DTNBP1: variants seen among roughly 807,000 people sequenced by gnomAD.
DTNBP1 encodes dysbindin.
In DTNBP1, 35 loss-of-function variants were observed where a neutral mutation model predicts 42.8. The ratio of observed to expected loss-of-function variants is 0.82; its 90% CI spans 0.63 to 1.09. The LOEUF (loss-of-function observed/expected upper bound fraction) is 1.09. DTNBP1 is among the 50% of genes least tolerant of loss of function. The pLI, the probability that DTNBP1 is intolerant of heterozygous loss-of-function variation, is 0.00. For synonymous variants in DTNBP1, 171 were observed against 162.2 expected (o/e 1.05, Z -0.41); for missense variants, 457 against 424.2 (o/e 1.08, Z -0.68).
At chr6:15,608,894 A>G (rs1478738445) in intron 6 of DTNBP1, among the ~76,000 whole-genome samples, 1 of 152,192 alleles carries the variant, frequency 6.6e-6, no homozygotes, top group Non-Finnish European at 1.5e-5. Flanking sequence ...TGTATTTGAC[A>G]ACAGATCTTT....
intron 1 of DTNBP1, among the ~76,000 whole-genome samples, chr6:15,654,327 A>G (rs1761169365): frequency 1.3e-5 from 2 of 152,234 alleles, no homozygotes; most frequent in African/African-American, 2.4e-5. Flanking sequence ...TTTCCACTAT[A>G]AAGTTTGATC....
At chr6:15,592,665 C>T (rs370980899) in intron 7 of DTNBP1, among the ~76,000 whole-genome samples, 4 of 152,166 alleles carry the variant, frequency 2.6e-5, no homozygotes, top group Non-Finnish European at 5.9e-5. Flanking sequence ...CAGGGCCCAG[C>T]ACTGAAGACC....
intron 6 of DTNBP1, among the ~76,000 whole-genome samples, chr6:15,611,731 T>C (rs535075228): frequency 1.3e-5 from 2 of 152,260 alleles, no homozygotes; most frequent in South Asian, 4.1e-4. Context: ...GTGAAGGAAA[T>C]AGCTACAGAT....
rs1158323535 is a variant in DTNBP1, at chr6:15,523,910, C to T, written c.811+616G>A. On this transcript the variant is annotated intron_variant, in intron 9 of 9. Coordinates refer to ENST00000344537, the MANE Select transcript of DTNBP1 (RefSeq NM_032122.5). ...GAACCTTCTACAGATGGCTGAGGTG[C>T]TGCTGGGACGACTGAGCTTTGCCTT... is the stretch of plus-strand genomic sequence containing the variant. 9.3e-6 allele frequency: 12 copies of T among 1,287,296 alleles called. No individual in the cohort carries two copies. The South Asian group carries it at 1.4e-4, about 15-fold the overall frequency. The allele number at this position is 1,287,296 out of a possible 1,614,324, so 79.7% of individuals were successfully genotyped here.
chr6:15,584,899 G>A (rs1042281481), intron 7 of DTNBP1, among the ~76,000 whole-genome samples: 2 of 148,004 alleles, frequency 1.4e-5, no homozygotes, highest in African/African-American at 4.9e-5. Flanking sequence ...AACAAAAAAT[G>A]CACAGTTAAT....
At chr6:15,540,163 T>C (rs1289130082) in intron 7 of DTNBP1, among the ~76,000 whole-genome samples, 1 of 152,100 alleles carries the variant, frequency 6.6e-6, no homozygotes, top group Non-Finnish European at 1.5e-5. Context: ...GTACTCTTAA[T>C]AAATCTGCAA....
intron 7 of DTNBP1, among the ~76,000 whole-genome samples, chr6:15,569,037 G>T (rs916037483): frequency 7.9e-5 from 12 of 152,096 alleles, no homozygotes; most frequent in Admixed American, 5.9e-4. Flanking sequence ...CATCCTCACA[G>T]GCTAACAAGA....
intron 6 of DTNBP1, among the ~76,000 whole-genome samples, chr6:15,611,201 C>T (rs1022532435): frequency 3.3e-5 from 5 of 152,124 alleles, no homozygotes; most frequent in African/African-American, 1.2e-4. Flanking sequence ...CCTGAAAATC[C>T]ATAGAATTAT....
intron 5 of DTNBP1, among the ~76,000 whole-genome samples, chr6:15,621,098 ACATTTT>A (rs1759017113): frequency 6.6e-6 from 1 of 152,204 alleles, no homozygotes; most frequent in Non-Finnish European, 1.5e-5. Flanking sequence ...AATGTCAACA[ACATTTT>A]CATTTTTATC....
intron 6 of DTNBP1, among the ~76,000 whole-genome samples, chr6:15,603,968 A>T (rs1303009076): frequency 6.6e-6 from 1 of 152,088 alleles, no homozygotes; most frequent in Non-Finnish European, 1.5e-5. Context: ...CTCTGGGACT[A>T]TGTCCTGTAA....
At chr6:15,602,603 A>G (rs1293478536) in intron 6 of DTNBP1, among the ~76,000 whole-genome samples, 3 of 152,238 alleles carry the variant, frequency 2.0e-5, no homozygotes, top group Admixed American at 1.3e-4. Context: ...ATATTATTCC[A>G]AATGTAATAA....
intron 4 of DTNBP1, among the ~76,000 whole-genome samples, 173 bp from the exon 5 acceptor site, chr6:15,627,648 A>C (rs1045636958): frequency 6.6e-6 from 1 of 152,220 alleles, no homozygotes; most frequent in African/African-American, 2.4e-5. Context: ...AAACAACTTA[A>C]TATTCAGTGC....
intron 5 of DTNBP1, among the ~76,000 whole-genome samples, chr6:15,615,703 C>T (rs1758679970): frequency 6.6e-6 from 1 of 152,110 alleles, no homozygotes; most frequent in African/African-American, 2.4e-5. Context: ...TCCTAATGAT[C>T]CCATATACCA....
intron 6 of DTNBP1, among the ~76,000 whole-genome samples, chr6:15,609,976 A>C (rs1581389508): frequency 6.6e-6 from 1 of 152,134 alleles, no homozygotes; most frequent in African/African-American, 2.4e-5. Context: ...TGGCTGCCGG[A>C]GTTCTGGGAC....
chr6:15,535,857 G>A (rs1187979293), intron 7 of DTNBP1, among the ~76,000 whole-genome samples: 2 of 152,196 alleles, frequency 1.3e-5, no homozygotes, highest in African/African-American at 4.8e-5. Context: ...TGTGAACAAT[G>A]AAGTCCAGAC....
At chr6:15,598,633 G>A (rs191384784) in intron 6 of DTNBP1, among the ~76,000 whole-genome samples, 77 of 148,304 alleles carry the variant, frequency 5.2e-4, no homozygotes, top group Non-Finnish European at 9.5e-4. Flanking sequence ...CAACAAGTCA[G>A]AGGTCTGTTG....
chr6:15,529,162 G>A (rs934777541), intron 8 of DTNBP1, among the ~76,000 whole-genome samples: 2 of 152,152 alleles, frequency 1.3e-5, no homozygotes, highest in Non-Finnish European at 2.9e-5. Flanking sequence ...GTGCACACCT[G>A]TCGTCTCAGC....
chr6:15,599,232 A>G (rs1489181316), intron 6 of DTNBP1, among the ~76,000 whole-genome samples: 1 of 152,200 alleles, frequency 6.6e-6, no homozygotes, highest in Non-Finnish European at 1.5e-5. Context: ...AGACAGGGGT[A>G]AGGGATATTT....
intron 1 of DTNBP1, 72 bp downstream of exon 1, chr6:15,662,742 A>C: frequency 6.3e-7 from 1 of 1,592,944 alleles, no homozygotes; most frequent in Non-Finnish European, 8.6e-7. Flanking sequence ...CGGGGAAGGG[A>C]GCGAGGCAGG....
Sources: gnomAD v4.1 joint callset for allele counts (sites outside exome capture counted in the v4.1 genomes callset) on GRCh38, gnomAD v4.1.1 for gene constraint, MANE v1.5 for transcripts, NCBI Gene and HGNC (gene_info 2026-07-23, HGNC 2026-07-21) for gene names.